The following SYT1 variants were observed in gnomAD, a reference collection of about 807,000 sequenced individuals.
The protein encoded by SYT1 is synaptotagmin 1, also known as synaptotagmin-1.
Under a neutral mutation model 44.8 loss-of-function variants are expected in SYT1, and 8 were observed. The ratio of observed to expected loss-of-function variants is 0.18; its 90% CI spans 0.10 to 0.32. SYT1 has a LOEUF of 0.32. SYT1 is among the 10% of genes least tolerant of loss of function. The pLI is 1.00. For missense variants in SYT1, 286 were observed against 509.3 expected (o/e 0.56, Z 4.22); for synonymous variants, 154 against 188.8 (o/e 0.82, Z 1.51).
intron 3 of SYT1, among the ~76,000 whole-genome samples, chr12:79,156,801 A>C (rs754440041): frequency 6.6e-6 from 1 of 152,132 alleles, no homozygotes; most frequent in Admixed American, 6.5e-5. Flanking sequence ...TATTTAATCA[A>C]AAATCATCAA....
chr12:79,287,305 C>G (rs1355573868), intron 5 of SYT1, among the ~76,000 whole-genome samples: 2 of 152,230 alleles, frequency 1.3e-5, no homozygotes, highest in Middle Eastern at 3.4e-3. Flanking sequence ...TAATCACAGT[C>G]ACAAAAGCCA....
chr12:79,416,495 G>T (rs1208989740), intron 9 of SYT1, among the ~76,000 whole-genome samples: 2 of 152,024 alleles, frequency 1.3e-5, no homozygotes, highest in African/African-American at 4.8e-5. Context: ...TATTATTGTA[G>T]TAAAATAACA....
At chr12:78,941,811 G>T (rs61929235) in intron 1 of SYT1, among the ~76,000 whole-genome samples, 1 of 152,108 alleles carries the variant, frequency 6.6e-6, no homozygotes, top group African/African-American at 2.4e-5. Context: ...AAAACACAAG[G>T]CATCCCAAGT....
intron 3 of SYT1, among the ~76,000 whole-genome samples, chr12:79,110,475 A>G (rs970185647): frequency 2.6e-5 from 4 of 152,148 alleles, no homozygotes; most frequent in African/African-American, 9.7e-5. Context: ...GATCATTTAC[A>G]TTATAAGAAA....
chr12:79,353,679 C>T (rs1882999773), intron 9 of SYT1, 60 bp downstream of exon 9: 2 of 1,187,748 alleles, frequency 1.7e-6, no homozygotes, highest in Non-Finnish European at 2.5e-6. Context: ...ATACCAAATG[C>T]ATGGCGCACA....
chr12:79,003,595 C>A (rs1009765166), intron 2 of SYT1, among the ~76,000 whole-genome samples: 4 of 151,876 alleles, frequency 2.6e-5, no homozygotes, highest in Non-Finnish European at 5.9e-5. Flanking sequence ...TAGTATGCAT[C>A]ATTGATTGGT....
At chr12:79,073,164 C>T (rs1187319521) in intron 3 of SYT1, among the ~76,000 whole-genome samples, 12 of 152,050 alleles carry the variant, frequency 7.9e-5, no homozygotes. Context: ...TGTAGTGGTG[C>T]CATAATAGCT....
At chr12:78,935,816 T>C (rs1878021466) in intron 1 of SYT1, among the ~76,000 whole-genome samples, 3 of 152,048 alleles carry the variant, frequency 2.0e-5, no homozygotes, top group Admixed American at 2.0e-4. Flanking sequence ...TACAAACATA[T>C]ATAAAAACTA....
intron 1 of SYT1, among the ~76,000 whole-genome samples, chr12:78,894,840 A>G (rs1275637027): frequency 1.3e-5 from 2 of 150,718 alleles, no homozygotes; most frequent in Non-Finnish European, 3.0e-5. Flanking sequence ...TAAGAGACCT[A>G]TTGTACATCA....
At chr12:79,014,503 C>A (rs1871662700) in intron 2 of SYT1, among the ~76,000 whole-genome samples, 1 of 151,950 alleles carries the variant, frequency 6.6e-6, no homozygotes, top group Non-Finnish European at 1.5e-5. Context: ...AAATCAAAAC[C>A]ACAATGAGAT....
chr12:79,255,310 T>A (rs1877452762), intron 4 of SYT1, among the ~76,000 whole-genome samples: 1 of 152,248 alleles, frequency 6.6e-6, no homozygotes, highest in Admixed American at 6.5e-5. Flanking sequence ...AAGGCTCAGA[T>A]GATCGTCAGC....
intron 8 of SYT1, among the ~76,000 whole-genome samples, chr12:79,307,045 TATCTTGTTTGTGA>T (rs1057486213): frequency 6.6e-5 from 10 of 152,216 alleles, no homozygotes; most frequent in African/African-American, 9.6e-5. Context: ...CAATATTTTT[TATCTTGTTTGTGA>T]ATCTTAAAAT....
chr12:79,174,964 T>G (rs1000617885), intron 3 of SYT1, among the ~76,000 whole-genome samples: 1 of 152,084 alleles, frequency 6.6e-6, no homozygotes, highest in African/African-American at 2.4e-5. Context: ...TATTTTATTT[T>G]ATAGTTAATA....
chr12:78,871,520 T>A (rs1363601884), intron 1 of SYT1, among the ~76,000 whole-genome samples: 2 of 151,990 alleles, frequency 1.3e-5, no homozygotes, highest in Non-Finnish European at 2.9e-5. Context: ...GGAAACTGCC[T>A]ACCTGCTTAT....
chr12:78,893,349 C>T (rs1363934578), intron 1 of SYT1, among the ~76,000 whole-genome samples: 1 of 151,766 alleles, frequency 6.6e-6, no homozygotes, highest in African/African-American at 2.4e-5. Context: ...TACTAAAATA[C>T]ATATTTTTGA....
intron 1 of SYT1, among the ~76,000 whole-genome samples, chr12:78,955,970 G>C (rs947947787): frequency 2.0e-5 from 3 of 151,982 alleles, no homozygotes; most frequent in African/African-American, 7.2e-5. Flanking sequence ...AAATAAATGA[G>C]TTGATCTGTG....
chr12:79,052,190 C>A (rs141746420), intron 3 of SYT1, among the ~76,000 whole-genome samples: 16 of 152,086 alleles, frequency 1.1e-4, no homozygotes, highest in Non-Finnish European at 1.6e-4. Flanking sequence ...TGTTTGTATC[C>A]TCTTTTATTT....
chr12:78,931,198 A>G (rs963549664), intron 1 of SYT1, among the ~76,000 whole-genome samples: 3 of 26,676 alleles, frequency 1.1e-4, no homozygotes, highest in South Asian at 1.8e-3. Flanking sequence ...AAAGAAAGAA[A>G]GAAAGAAAGA....
chr12:79,040,928 A>G (rs1408800372), intron 2 of SYT1, among the ~76,000 whole-genome samples: 1 of 150,914 alleles, frequency 6.6e-6, no homozygotes, highest in African/African-American at 2.4e-5. Flanking sequence ...AAGATCAGAT[A>G]GTTGTAGATA....
Sources: allele counts gnomAD v4.1 joint callset (sites outside exome capture counted in the v4.1 genomes callset), GRCh38; gene constraint gnomAD v4.1.1; transcripts MANE v1.5; gene names NCBI Gene and HGNC (gene_info 2026-07-23, HGNC 2026-07-21).